The following WNK1 variants were observed in gnomAD, a reference collection of about 807,000 sequenced individuals.
WNK1 encodes the protein WNK lysine deficient protein kinase 1, also known as serine/threonine-protein kinase WNK1.
Under a neutral mutation model 222.8 loss-of-function variants are expected in WNK1, and 38 were observed. The observed-to-expected ratio is 0.17, with a 90% CI of 0.13 to 0.22. The LOEUF is 0.22. Ranked by LOEUF, WNK1 falls within the 10% of genes least tolerant of loss-of-function variation. WNK1 has a pLI of 1.00. For synonymous variants in WNK1, 1,090 were observed against 1,092.9 expected (o/e 1.00, Z 0.05); for missense variants, 2,348 against 2,918.4 (o/e 0.80, Z 4.50).
chr12:755,014 CATT>C (rs56089830), intron 1 of WNK1, among the ~76,000 whole-genome samples: 1,618 of 152,282 alleles, frequency 0.011, 27 homozygotes, highest in Middle Eastern at 0.078. Context: ...ATGTCATCAT[CATT>C]GTTTTAATCT....
chr12:760,858 C>A (rs555040479), intron 1 of WNK1, among the ~76,000 whole-genome samples: 1 of 146,548 alleles, frequency 6.8e-6, no homozygotes, highest in African/African-American at 2.4e-5. Context: ...ACTGAAACCT[C>A]CACCTCCTGT....
intron 2 of WNK1, among the ~76,000 whole-genome samples, chr12:819,541 T>A (rs1297460957): frequency 2.0e-5 from 3 of 152,198 alleles, no homozygotes; most frequent in Non-Finnish European, 2.9e-5. Flanking sequence ...ATTTGGATGC[T>A]CAAGCCTGTG....
chr12:901,746 A>G (rs144278112), intron 26 of WNK1: 16 of 653,448 alleles, frequency 2.4e-5, no homozygotes, highest in African/African-American at 2.2e-4. Flanking sequence ...CTCTTTTTGT[A>G]TATCATCTAC....
chr12:867,672 G>C (rs1027386949), intron 8 of WNK1: 1 of 627,296 alleles, frequency 1.6e-6, no homozygotes, highest in East Asian at 2.8e-5. Flanking sequence ...CCCACAGATT[G>C]ATTTCATTGG....
At position 781,753 on chromosome 12, in the gene WNK1, T is replaced by A. The variant is rs576383099; in HGVS notation, c.759+27429T>A. On this transcript the variant is annotated intron_variant, in intron 1 of 27. Coordinates refer to ENST00000315939, the MANE Select transcript of WNK1 (RefSeq NM_018979.4). Reference sequence around the variant, plus strand: ...GGAGACTACAGATTTAATTTTAAAGTATAAATATGCTCTTATTTTAAATAA... The same window carrying A: ...GGAGACTACAGATTTAATTTTAAAGAATAAATATGCTCTTATTTTAAATAA... Among the ~76,000 whole-genome samples, 6 of 152,326 alleles carry A rather than the reference T, an allele frequency of 3.9e-5. No individual in the cohort carries two copies. The South Asian group carries it at 1.2e-3, about 32-fold the overall frequency.
intron 1 of WNK1, among the ~76,000 whole-genome samples, chr12:804,416 GTT>G (rs1190236230): frequency 2.1e-5 from 3 of 144,368 alleles, no homozygotes; most frequent in Non-Finnish European, 4.6e-5. Context: ...CAAACTGAAA[GTT>G]TTTTTTTTTT....
At chr12:879,402 A>G (rs963501026) in intron 10 of WNK1, among the ~76,000 whole-genome samples, 171 bp from the exon 11 acceptor site, 3 of 149,128 alleles carry the variant, frequency 2.0e-5, no homozygotes, top group African/African-American at 7.4e-5. Context: ...CTTATGTGGC[A>G]TATTAACTTA....
At chr12:840,899 A>C (rs1645193203) in intron 4 of WNK1, among the ~76,000 whole-genome samples, 1 of 152,246 alleles carries the variant, frequency 6.6e-6, no homozygotes, top group Non-Finnish European at 1.5e-5. Context: ...TTAAGAGTAG[A>C]ACTAAAACTT....
At chr12:873,849 T>C (rs533307974) in intron 9 of WNK1, among the ~76,000 whole-genome samples, 2 of 152,278 alleles carry the variant, frequency 1.3e-5, no homozygotes, top group African/African-American at 4.8e-5. Context: ...GAAAGAAATA[T>C]ACTTTTGCTA....
At chr12:834,838 A>G (rs1255347352) in intron 4 of WNK1, among the ~76,000 whole-genome samples, 2 of 152,252 alleles carry the variant, frequency 1.3e-5, no homozygotes, top group African/African-American at 2.4e-5. Context: ...TTAAAATAAC[A>G]TCTATGAAAC....
intron 1 of WNK1, among the ~76,000 whole-genome samples, chr12:791,250 C>CACACACAT (rs939688415): frequency 1.3e-5 from 2 of 151,760 alleles, no homozygotes; most frequent in Non-Finnish European, 2.9e-5. Context: ...CACACACACA[C>CACACACAT]ACACACATAC....
At chr12:853,988 C>T (rs753532134) in intron 4 of WNK1, among the ~76,000 whole-genome samples, 9 of 152,186 alleles carry the variant, frequency 5.9e-5, no homozygotes, top group Non-Finnish European at 1.0e-4. Flanking sequence ...TGGGCTCAAA[C>T]GATCCTCCTG....
intron 25 of WNK1, among the ~76,000 whole-genome samples, chr12:899,068 G>C (rs1954996440): frequency 1.3e-5 from 2 of 151,980 alleles, no homozygotes; most frequent in South Asian, 4.1e-4. Flanking sequence ...GGGATAGATA[G>C]AGAGTTTCTA....
chr12:776,146 C>T (rs1943058817), intron 1 of WNK1, among the ~76,000 whole-genome samples: 2 of 152,036 alleles, frequency 1.3e-5, no homozygotes, highest in Non-Finnish European at 2.9e-5. Context: ...CAGTCCTTCC[C>T]CTTTAGCCTC....
chr12:788,619 T>G (rs765980598), intron 1 of WNK1, among the ~76,000 whole-genome samples: 90 of 152,272 alleles, frequency 5.9e-4, no homozygotes, highest in Non-Finnish European at 9.4e-4. Flanking sequence ...CCGGGTGAGG[T>G]GGCTCACGCC....
intron 25 of WNK1, among the ~76,000 whole-genome samples, chr12:898,688 C>G (rs35630049): frequency 6.6e-6 from 1 of 152,036 alleles, no homozygotes; most frequent in Non-Finnish European, 1.5e-5. Context: ...GTCCTCCTAC[C>G]TTAGCTTCCT....
intron 22 of WNK1, among the ~76,000 whole-genome samples, chr12:891,131 G>A (rs2154090538): frequency 6.6e-6 from 1 of 152,184 alleles, no homozygotes; most frequent in South Asian, 2.1e-4. Context: ...TCAAATCATT[G>A]GAAGATGGAA....
chr12:856,042 G>C (rs151260770), intron 4 of WNK1, among the ~76,000 whole-genome samples: 1,871 of 151,766 alleles, frequency 0.012, 36 homozygotes, highest in African/African-American at 0.039. Context: ...GTTTCACCAT[G>C]TTGGCCAGGA....
intron 1 of WNK1, among the ~76,000 whole-genome samples, chr12:804,563 G>C (rs995021356): frequency 2.0e-4 from 31 of 152,032 alleles, no homozygotes; most frequent in African/African-American, 7.2e-4. Context: ...AGTAGAGGTG[G>C]GGTTTCACCA....
Sources: gnomAD v4.1 joint callset for allele counts (sites outside exome capture counted in the v4.1 genomes callset) on GRCh38, gnomAD v4.1.1 for gene constraint, MANE v1.5 for transcripts, NCBI Gene and HGNC (gene_info 2026-07-23, HGNC 2026-07-21) for gene names.